The following GPHN variants were observed in gnomAD, a reference collection of about 807,000 sequenced individuals.
GPHN encodes gephyrin.
GPHN carries 17 observed loss-of-function variants against 95.5 expected under a neutral mutation model. That is an observed-to-expected ratio of 0.18 (90% CI 0.12 to 0.27). GPHN has a LOEUF of 0.27. GPHN is among the 10% of genes least tolerant of loss of function. The pLI is 1.00. For missense variants in GPHN, 660 were observed against 978.1 expected (o/e 0.67, Z 4.34); for synonymous variants, 320 against 322.5 (o/e 0.99, Z 0.08).
At chr14:67,650,554 C>T in the GPHN span, 1 of 625,666 alleles carries the variant, frequency 1.6e-6, no homozygotes. Flanking sequence ...AATTCATGGC[C>T]AAGAGGATGA....
At chr14:67,417,809 T>A in the GPHN span, among the ~76,000 whole-genome samples, 15 of 152,252 alleles carry the variant, frequency 9.9e-5, no homozygotes, top group East Asian at 1.9e-4. Flanking sequence ...AGTGCCGCAA[T>A]CACAGCTCAC....
chr14:67,321,576 G>A, the GPHN span, among the ~76,000 whole-genome samples: 1 of 152,194 alleles, frequency 6.6e-6, no homozygotes, highest in Non-Finnish European at 1.5e-5. Flanking sequence ...CTTGAGGATA[G>A]ACCCAAGTCT....
the GPHN span, among the ~76,000 whole-genome samples, chr14:67,469,848 T>C: frequency 6.6e-6 from 1 of 152,206 alleles, no homozygotes. Context: ...CTTCCATGTC[T>C]TTGGGGGTAC....
chr14:66,654,520 T>C (rs2065210651), intron 1 of GPHN, among the ~76,000 whole-genome samples: 1 of 152,194 alleles, frequency 6.6e-6, no homozygotes, highest in African/African-American at 2.4e-5. Flanking sequence ...TTTGTTATTG[T>C]CATGTTCGAG....
chr14:67,578,282 C>A, the GPHN span: 4 of 1,282,930 alleles, frequency 3.1e-6, no homozygotes, highest in African/African-American at 2.9e-5. This position sits in a 1 kb window ranked among gnomAD's most constrained non-coding sequence, Gnocchi z 5.0. Context: ...GGTGACTGGG[C>A]AGGTATACGG....
At chr14:67,696,557 T>G in the GPHN span, among the ~76,000 whole-genome samples, 43 of 152,344 alleles carry the variant, frequency 2.8e-4, no homozygotes, top group African/African-American at 1.0e-3. Flanking sequence ...TCATTGATAA[T>G]AGAATATCGT....
chr14:66,892,879 GA>G (rs2064600232), intron 5 of GPHN, among the ~76,000 whole-genome samples: 1 of 152,178 alleles, frequency 6.6e-6, no homozygotes, highest in South Asian at 2.1e-4. Flanking sequence ...AAATTAGTTA[GA>G]ATGGTAAAGG....
the GPHN span, among the ~76,000 whole-genome samples, chr14:67,300,564 G>C: frequency 6.6e-6 from 1 of 152,126 alleles, no homozygotes; most frequent in Non-Finnish European, 1.5e-5. Flanking sequence ...CTGACCTCAA[G>C]TGATCTGCCT....
chr14:67,700,509 A>C, the GPHN span, among the ~76,000 whole-genome samples: 328 of 151,736 alleles, frequency 2.2e-3, 1 homozygote, highest in African/African-American at 7.6e-3. Context: ...AGGTCAGGAG[A>C]TCGAGACCAT....
the GPHN span, among the ~76,000 whole-genome samples, chr14:67,506,941 G>A: frequency 6.6e-6 from 1 of 152,248 alleles, no homozygotes. Flanking sequence ...CTGAGATCGT[G>A]CCACTGCATT....
At chr14:67,592,586 G>A in the GPHN span, 2,133 of 1,100,240 alleles carry the variant, frequency 1.9e-3, 6 homozygotes, top group Non-Finnish European at 2.6e-3. Context: ...CATTCCTAAT[G>A]AAAAGGTTGA....
chr14:66,570,714 A>G (rs993878579), intron 1 of GPHN, among the ~76,000 whole-genome samples: 1 of 152,158 alleles, frequency 6.6e-6, no homozygotes. Context: ...TTGTGGCTGT[A>G]CTAATTCACA....
intron 1 of GPHN, among the ~76,000 whole-genome samples, chr14:66,558,515 ATT>A (rs892943553): frequency 6.6e-6 from 1 of 152,014 alleles, no homozygotes; most frequent in Non-Finnish European, 1.5e-5. Context: ...ACCCCTGTAT[ATT>A]TTTTTATGTC....
At chr14:67,406,485 C>G in the GPHN span, among the ~76,000 whole-genome samples, 4 of 152,026 alleles carry the variant, frequency 2.6e-5, no homozygotes, top group Non-Finnish European at 5.9e-5. Context: ...TTTGGGGAGA[C>G]TCCCCGTGGT....
At chr14:66,887,719 C>G (rs974567661) in intron 5 of GPHN, among the ~76,000 whole-genome samples, 1 of 152,054 alleles carries the variant, frequency 6.6e-6, no homozygotes, top group African/African-American at 2.4e-5. Context: ...AATTACAAGG[C>G]ATATCAAATG....
chr14:67,578,061 C>T, the GPHN span: 3 of 1,613,924 alleles, frequency 1.9e-6, no homozygotes, highest in Admixed American at 1.7e-5. The surrounding 1 kb of genome is among the most constrained non-coding windows in gnomAD (Gnocchi z 5.0). Context: ...TGGAAGCTGC[C>T]TCGGTGGACT....
chr14:67,287,599 T>C, the GPHN span, among the ~76,000 whole-genome samples: 1 of 152,212 alleles, frequency 6.6e-6, no homozygotes, highest in African/African-American at 2.4e-5. Context: ...TGTGCAACGC[T>C]GGTAGGGGTA....
At chr14:66,858,554 C>G (rs149627728) in intron 4 of GPHN, among the ~76,000 whole-genome samples, 1,827 of 151,998 alleles carry the variant, frequency 0.012, 19 homozygotes, top group Non-Finnish European at 0.018. Flanking sequence ...AGGTGAGCCT[C>G]TGAGACATGC....
At chr14:67,427,558 C>T in the GPHN span, among the ~76,000 whole-genome samples, 1 of 152,232 alleles carries the variant, frequency 6.6e-6, no homozygotes, top group African/African-American at 2.4e-5. Flanking sequence ...GCCCAGGGCT[C>T]TACCCACCGG....
Sources: allele counts gnomAD v4.1 joint callset (sites outside exome capture counted in the v4.1 genomes callset), GRCh38; gene constraint gnomAD v4.1.1; non-coding constraint Gnocchi (gnomAD v3.1); transcripts MANE v1.5; gene names NCBI Gene and HGNC (gene_info 2026-07-23, HGNC 2026-07-21).